Variants in GRHL2 observed in about 807,000 individuals in gnomAD.
The protein encoded by GRHL2 is grainyhead-like protein 2 homolog.
In GRHL2, 21 loss-of-function variants were observed where a neutral mutation model predicts 83.8. That is an observed-to-expected ratio of 0.25 (90% CI 0.18 to 0.36). The LOEUF (loss-of-function observed/expected upper bound fraction) is 0.36. Among genes scored for constraint, GRHL2 ranks in the 10% least tolerant of loss-of-function variants. The pLI is 1.00. For missense variants in GRHL2, 623 were observed against 781.8 expected, an observed-to-expected ratio of 0.80 and a Z score of 2.42; for synonymous variants, 280 against 278.9, an observed-to-expected ratio of 1.00 and a Z score of -0.04.
downstream of GRHL2, among the ~76,000 whole-genome samples, chr8:101,673,150 G>C (rs1245784005): frequency 6.6e-6 from 1 of 151,276 alleles, no homozygotes; most frequent in Non-Finnish European, 1.5e-5. Flanking sequence ...ATCAACTAAT[G>C]AGCAAAATAA....
At chr8:101,560,288 C>T (rs893264146) in intron 4 of GRHL2, among the ~76,000 whole-genome samples, 18 of 152,256 alleles carry the variant, frequency 1.2e-4, no homozygotes, top group African/African-American at 3.1e-4. Context: ...TTCGGCCTCC[C>T]GAAGTGCTGG....
intron 13 of GRHL2, among the ~76,000 whole-genome samples, chr8:101,647,851 A>G (rs1361232695): frequency 3.3e-5 from 5 of 150,962 alleles, no homozygotes; most frequent in Admixed American, 2.6e-4. Flanking sequence ...TGAAGCAACC[A>G]GCTTTAATGA....
chr8:101,579,933 G>A (rs1327686015), intron 7 of GRHL2, among the ~76,000 whole-genome samples: 1 of 152,166 alleles, frequency 6.6e-6, no homozygotes, highest in Non-Finnish European at 1.5e-5. Context: ...GCTAGTTTTG[G>A]TTAGGAACAT....
At chr8:101,535,234 A>C (rs1811020602) in intron 1 of GRHL2, among the ~76,000 whole-genome samples, 1 of 152,158 alleles carries the variant, frequency 6.6e-6, no homozygotes, top group Non-Finnish European at 1.5e-5. Context: ...CACACTTTAG[A>C]TGTAAGAGCC....
intron 1 of GRHL2, among the ~76,000 whole-genome samples, chr8:101,493,690 G>T (rs1281688133): frequency 6.6e-6 from 1 of 152,106 alleles, no homozygotes; most frequent in African/African-American, 2.4e-5. Flanking sequence ...CGTGGGGCGC[G>T]CCGAGCCTTC....
chr8:101,654,786 A>G (rs1813748738), intron 14 of GRHL2, among the ~76,000 whole-genome samples: 1 of 152,172 alleles, frequency 6.6e-6, no homozygotes, highest in Non-Finnish European at 1.5e-5. Context: ...AATTTAAGCC[A>G]CTTGATAGGT....
At chr8:101,665,538 C>G (rs969128801) in intron 15 of GRHL2, among the ~76,000 whole-genome samples, 1 of 152,126 alleles carries the variant, frequency 6.6e-6, no homozygotes, top group Non-Finnish European at 1.5e-5. Context: ...TTGCCGAGGT[C>G]AATGTAGTAG....
chr8:101,577,197 A>G (rs969892482), intron 6 of GRHL2, among the ~76,000 whole-genome samples: 7 of 150,604 alleles, frequency 4.6e-5, no homozygotes, highest in Admixed American at 3.3e-4. Flanking sequence ...TTTTTCCTTC[A>G]TGCTTCAAAA....
chr8:101,526,171 T>C (rs113582956), intron 1 of GRHL2, among the ~76,000 whole-genome samples: 4 of 152,188 alleles, frequency 2.6e-5, no homozygotes, highest in Admixed American at 6.5e-5. Flanking sequence ...AAAAGGAAAA[T>C]ATATTTTCAT....
intron 1 of GRHL2, among the ~76,000 whole-genome samples, chr8:101,494,507 A>G (rs922318230): frequency 1.3e-5 from 2 of 152,080 alleles, no homozygotes; most frequent in African/African-American, 2.4e-5. Flanking sequence ...GCTCCTCCCC[A>G]TATCTCTCTA....
chr8:101,570,829 T>C (rs1337432614), intron 5 of GRHL2, among the ~76,000 whole-genome samples: 2 of 152,248 alleles, frequency 1.3e-5, no homozygotes, highest in Non-Finnish European at 2.9e-5. Context: ...TTCTTTCCTG[T>C]TGGACTTTCT....
intron 1 of GRHL2, among the ~76,000 whole-genome samples, chr8:101,494,078 C>T (rs1184012337): frequency 4.6e-5 from 7 of 152,182 alleles, no homozygotes; most frequent in Admixed American, 2.6e-4. Flanking sequence ...TTGCTTTCCC[C>T]GGTAACTTTG....
chr8:101,678,406 A>T, the GRHL2 span, among the ~76,000 whole-genome samples: 1 of 152,060 alleles, frequency 6.6e-6, no homozygotes, highest in South Asian at 2.1e-4. Flanking sequence ...ACGAGATTAT[A>T]TCCCGCACCT....
At chr8:101,519,050 CTGTCCATTTT>C (rs11275441) in intron 1 of GRHL2, among the ~76,000 whole-genome samples, 104,098 of 151,556 alleles carry the variant, frequency 0.69, 37,108 homozygotes, top group Admixed American at 0.8. Flanking sequence ...TACACAATTT[CTGTCCATTTT>C]TGTTAGGTTT....
chr8:101,517,568 C>A (rs902424573), intron 1 of GRHL2, among the ~76,000 whole-genome samples: 3 of 152,214 alleles, frequency 2.0e-5, no homozygotes, highest in Non-Finnish European at 2.9e-5. Context: ...CTGCAAGACA[C>A]TTTCCTTGGG....
Position 101,534,737 on chromosome 8 carries a change from A to G in GRHL2, c.21-8504A>G, listed in dbSNP as rs529479317. On this transcript the variant is annotated intron_variant, in intron 1 of 15. Transcript: ENST00000646743. ...TGGATATATTTTGAAAATAGAACCA[A>G]TGGGATTTTCTAATGAAGTGGATGT... Among the ~76,000 whole-genome samples the G allele has an allele frequency of 7.2e-4, 109 of 152,168 alleles. 1 individual carries two copies. The highest frequency in any genetic ancestry group is 1.2e-3 in the Non-Finnish European group (83 of 68,040).
At chr8:101,653,545 C>G (rs1350594958) in intron 14 of GRHL2, among the ~76,000 whole-genome samples, 1 of 152,036 alleles carries the variant, frequency 6.6e-6, no homozygotes, top group East Asian at 1.9e-4. Context: ...AGGTCAGGAG[C>G]TCAAGACCAG....
chr8:101,531,080 A>C (rs1810915555), intron 1 of GRHL2, among the ~76,000 whole-genome samples: 1 of 152,044 alleles, frequency 6.6e-6, no homozygotes, highest in Non-Finnish European at 1.5e-5. Context: ...AAATAAAAAA[A>C]TTAGTCAGGC....
chr8:101,680,809 C>A, the GRHL2 span, among the ~76,000 whole-genome samples: 1 of 126,236 alleles, frequency 7.9e-6, no homozygotes, highest in Non-Finnish European at 1.6e-5. Context: ...AACTGAACAA[C>A]CTGCTCCTGA....
Sources: allele counts gnomAD v4.1 joint callset (sites outside exome capture counted in the v4.1 genomes callset), GRCh38; gene constraint gnomAD v4.1.1; transcripts MANE v1.5; gene names NCBI Gene and HGNC (gene_info 2026-07-23, HGNC 2026-07-21).